Variants in NREP observed in about 807,000 individuals in gnomAD.
The protein encoded by NREP is neuronal regeneration-related protein.
In NREP, 5 loss-of-function variants were observed where a neutral mutation model predicts 8.6. The ratio of observed to expected loss-of-function variants is 0.58; its 90% confidence interval spans 0.30 to 1.22. The LOEUF is 1.22. NREP is among the 50% of genes most tolerant of loss of function. The probability of loss-of-function intolerance (pLI) is 0.07; values close to 1 mark genes in which losing one functional copy is unlikely to be tolerated. For missense variants in NREP, 86 were observed against 82.5 expected, an observed-to-expected ratio of 1.04 and a Z score of -0.17; for synonymous variants, 27 against 28.0, an observed-to-expected ratio of 0.96 and a Z score of 0.11.
chr5:111,728,956 C>T (rs1449392741), downstream of NREP: 1 of 146,710 alleles, frequency 6.8e-6, no homozygotes, highest in Non-Finnish European at 1.5e-5. Flanking sequence ...AAGAATACCA[C>T]AGAGTGGGTC....
intron 2 of NREP, among the ~76,000 whole-genome samples, chr5:111,957,679 C>A (rs1250506719): frequency 6.6e-6 from 1 of 151,464 alleles, no homozygotes; most frequent in African/African-American, 2.4e-5. Context: ...CTAAGCAAGT[C>A]CAACTTCATG....
chr5:111,878,479 G>A (rs1381707136), intron 2 of NREP, among the ~76,000 whole-genome samples: 1 of 152,142 alleles, frequency 6.6e-6, no homozygotes, highest in Non-Finnish European at 1.5e-5. Flanking sequence ...GGGGGACACT[G>A]CATCCATGAT....
chr5:111,786,806 G>A (rs1349185487), intron 2 of NREP, among the ~76,000 whole-genome samples: 1 of 152,110 alleles, frequency 6.6e-6, no homozygotes, highest in Non-Finnish European at 1.5e-5. Context: ...TGTATATTGG[G>A]GTAGGAATTT....
At chr5:111,757,804 G>A (rs1445043985), upstream of NREP, 2 of 970,428 alleles carry the variant, frequency 2.1e-6, no homozygotes, top group African/African-American at 1.8e-5. Context: ...CTCGACGTGC[G>A]GTTGCTTTTC....
chr5:111,962,962 A>G (rs1036198306), intron 2 of NREP, among the ~76,000 whole-genome samples: 8 of 152,246 alleles, frequency 5.3e-5, no homozygotes, highest in Non-Finnish European at 5.9e-5. Context: ...ATGCAACTTC[A>G]TCCTTTTTGG....
intron 2 of NREP, among the ~76,000 whole-genome samples, chr5:111,938,127 T>C (rs1195303487): frequency 1.3e-5 from 2 of 152,054 alleles, no homozygotes; most frequent in African/African-American, 4.8e-5. Context: ...AGCTTTGGTC[T>C]ATGAGTTCTC....
intron 2 of NREP, among the ~76,000 whole-genome samples, chr5:111,924,395 C>A (rs956082181): frequency 6.6e-6 from 1 of 151,550 alleles, no homozygotes; most frequent in African/African-American, 2.4e-5. Context: ...GTTAACTGGG[C>A]AGTCTGGCCA....
chr5:111,928,939 A>C (rs1461505400), intron 2 of NREP, among the ~76,000 whole-genome samples: 1 of 152,142 alleles, frequency 6.6e-6, no homozygotes, highest in Non-Finnish European at 1.5e-5. Context: ...AAAAAACCCT[A>C]GAGTAATATT....
In NREP at chr5:111,922,140, C is replaced by CCTTGGG. The variant is rs1755257438; in HGVS notation, c.135+53133_135+53134insCCCAAG. Among the ~76,000 whole-genome samples, 3 of 152,188 alleles carry CCTTGGG rather than the reference C, an allele frequency of 2.0e-5. 1 individual carries two copies. In the South Asian group the frequency reaches 6.2e-4, roughly 32 times the overall value. ...TAATTTTGAAGGGGTATTTCTTATC[C>CCTTGGG]ATAGTAGGACCATGGGAAGGAGAGT... On this transcript the variant is annotated intron_variant, in intron 2 of 3. Transcript: ENST00000395634.
At chr5:111,830,422 C>T (rs1278493129) in intron 2 of NREP, among the ~76,000 whole-genome samples, 2 of 152,136 alleles carry the variant, frequency 1.3e-5, no homozygotes, top group Non-Finnish European at 2.9e-5. Flanking sequence ...ACCTCAGAGC[C>T]CCAGAGGAAA....
chr5:111,864,020 C>G (rs906160203), intron 2 of NREP, among the ~76,000 whole-genome samples: 2 of 152,192 alleles, frequency 1.3e-5, no homozygotes, highest in East Asian at 3.9e-4. Context: ...CACAAAGATT[C>G]AAGAGAATGA....
At chr5:111,789,120 A>G (rs988545983) in intron 2 of NREP, among the ~76,000 whole-genome samples, 7 of 152,090 alleles carry the variant, frequency 4.6e-5, no homozygotes, top group African/African-American at 1.7e-4. Context: ...TGTGTATATA[A>G]ATACGTATAT....
intron 2 of NREP, among the ~76,000 whole-genome samples, chr5:111,879,923 T>A (rs960524368): frequency 1.3e-5 from 2 of 152,190 alleles, no homozygotes; most frequent in African/African-American, 4.8e-5. Context: ...CTTCTAACCC[T>A]AATTACCTCC....
intron 2 of NREP, among the ~76,000 whole-genome samples, chr5:111,836,946 G>A (rs1188884953): frequency 1.3e-5 from 2 of 151,980 alleles, no homozygotes; most frequent in African/African-American, 4.8e-5. Flanking sequence ...ATCATCTTGG[G>A]GAAAATGGGA....
At chr5:111,886,669 G>T (rs1457061956) in intron 2 of NREP, among the ~76,000 whole-genome samples, 2 of 151,052 alleles carry the variant, frequency 1.3e-5, no homozygotes, top group East Asian at 1.9e-4. Context: ...CATGTCCTTT[G>T]TAGGGACATG....
intron 2 of NREP, among the ~76,000 whole-genome samples, chr5:111,927,064 C>T (rs1316719523): frequency 6.6e-6 from 1 of 151,984 alleles, no homozygotes; most frequent in Non-Finnish European, 1.5e-5. Flanking sequence ...GCATCTGGGC[C>T]AGGCCCCTCA....
intron 3 of NREP, among the ~76,000 whole-genome samples, chr5:111,731,515 C>T (rs776056905): frequency 6.6e-6 from 1 of 150,974 alleles, no homozygotes; most frequent in African/African-American, 2.4e-5. Flanking sequence ...TATTTAAAAA[C>T]GTATCTCAAC....
At chr5:111,968,251 T>C (rs1756700937) in intron 2 of NREP, among the ~76,000 whole-genome samples, 1 of 152,188 alleles carries the variant, frequency 6.6e-6, no homozygotes, top group African/African-American at 2.4e-5. Context: ...TTAAAACACT[T>C]TCTTTACATA....
chr5:111,886,454 CA>C (rs1380476246), intron 2 of NREP, among the ~76,000 whole-genome samples: 1 of 152,096 alleles, frequency 6.6e-6, no homozygotes, highest in East Asian at 1.9e-4. Flanking sequence ...CTATTTGACC[CA>C]GCCATCCCAT....
Sources: allele counts gnomAD v4.1 joint callset (sites outside exome capture counted in the v4.1 genomes callset), GRCh38; gene constraint gnomAD v4.1.1; transcripts MANE v1.5; gene names NCBI Gene and HGNC (gene_info 2026-07-23, HGNC 2026-07-21).